The following PLA2G4A variants were observed in gnomAD, a reference collection of about 807,000 sequenced individuals.
The protein encoded by PLA2G4A is phospholipase A2 group IVA, also known as cytosolic phospholipase A2.
In PLA2G4A, 40 loss-of-function variants were observed where a neutral mutation model predicts 81.9. That is an observed-to-expected ratio of 0.49 (90% CI 0.38 to 0.64). The LOEUF is 0.64. PLA2G4A is among the 30% of genes least tolerant of loss of function. The pLI, the probability that PLA2G4A is intolerant of heterozygous loss-of-function variation, is 0.00. For missense variants in PLA2G4A, 715 were observed against 905.1 expected, an observed-to-expected ratio of 0.79 and a Z score of 2.69; for synonymous variants, 302 against 296.9, an observed-to-expected ratio of 1.02 and a Z score of -0.18.
At chr1:186,939,662 T>A (rs1279427989) in intron 9 of PLA2G4A, among the ~76,000 whole-genome samples, 1 of 152,176 alleles carries the variant, frequency 6.6e-6, no homozygotes, top group Non-Finnish European at 1.5e-5. Context: ...TGATGTTTCG[T>A]TGAAGATAAA....
intron 3 of PLA2G4A, among the ~76,000 whole-genome samples, chr1:186,890,127 A>T (rs1351949423): frequency 1.3e-5 from 2 of 152,266 alleles, no homozygotes; most frequent in East Asian, 3.9e-4. Context: ...TTACTTAGTT[A>T]TTTGTTGTTT....
intron 3 of PLA2G4A, among the ~76,000 whole-genome samples, chr1:186,889,542 A>G (rs527723245): frequency 2.4e-4 from 37 of 152,320 alleles, no homozygotes; most frequent in African/African-American, 8.4e-4. Flanking sequence ...GTTTTATAAT[A>G]ACAACCACTA....
intron 8 of PLA2G4A, among the ~76,000 whole-genome samples, chr1:186,933,106 C>A (rs1359580445): frequency 6.6e-6 from 1 of 151,968 alleles, no homozygotes; most frequent in Non-Finnish European, 1.5e-5. Context: ...AAATTTACTT[C>A]TTTTAAGCCA....
chr1:186,893,830 A>AG (rs1654234876), intron 4 of PLA2G4A, among the ~76,000 whole-genome samples: 1 of 150,484 alleles, frequency 6.6e-6, no homozygotes, highest in South Asian at 2.1e-4. Flanking sequence ...AGGCTGAGGC[A>AG]GGAGATTCGC....
chr1:186,880,089 A>G (rs1420560910), intron 3 of PLA2G4A, among the ~76,000 whole-genome samples: 1 of 151,978 alleles, frequency 6.6e-6, no homozygotes, highest in Non-Finnish European at 1.5e-5. Context: ...GCTGGAACTC[A>G]AACTTGCCTC....
intron 6 of PLA2G4A, among the ~76,000 whole-genome samples, chr1:186,911,011 G>A (rs905613628): frequency 6.6e-6 from 1 of 152,164 alleles, no homozygotes; most frequent in African/African-American, 2.4e-5. Context: ...TTGTTTGCTC[G>A]TTTATTTTAT....
chr1:186,874,890 TTC>T (rs2102067604), intron 3 of PLA2G4A, among the ~76,000 whole-genome samples: 1 of 152,212 alleles, frequency 6.6e-6, no homozygotes, highest in South Asian at 2.1e-4. Flanking sequence ...GTAAATGATA[TTC>T]TGTTTCTGAT....
chr1:186,892,453 A>AT (rs1478971964), intron 3 of PLA2G4A, among the ~76,000 whole-genome samples: 12 of 152,080 alleles, frequency 7.9e-5, no homozygotes, highest in Non-Finnish European at 1.5e-4. Context: ...TTTTTAATCC[A>AT]TTTTTATTGA....
chr1:186,955,316 T>G (rs114207459), intron 13 of PLA2G4A, among the ~76,000 whole-genome samples: 1,635 of 152,306 alleles, frequency 0.011, 10 homozygotes, highest in Non-Finnish European at 0.018. Flanking sequence ...CAAATATATG[T>G]TGAATCCTTT....
chr1:186,964,519 C>T (rs1657066939), intron 14 of PLA2G4A, among the ~76,000 whole-genome samples: 1 of 152,146 alleles, frequency 6.6e-6, no homozygotes. Context: ...GCTCTAGCTC[C>T]TCCCTCTCCC....
At chr1:186,974,612 G>T (rs774662385) in intron 15 of PLA2G4A, among the ~76,000 whole-genome samples, 7 of 152,202 alleles carry the variant, frequency 4.6e-5, no homozygotes, top group Non-Finnish European at 1.0e-4. Context: ...TCTTAAGTTA[G>T]TCTATGGAAG....
intron 17 of PLA2G4A, among the ~76,000 whole-genome samples, chr1:186,987,444 T>C (rs1219969627): frequency 1.3e-5 from 2 of 152,272 alleles, no homozygotes; most frequent in Non-Finnish European, 2.9e-5. Context: ...AATTGTGGAA[T>C]AACTCTGTGA....
Position 186,902,323 on chromosome 1 carries a change from C to G in PLA2G4A, c.379-4642C>G, listed in dbSNP as rs544569147. On this transcript the variant is annotated intron_variant, in intron 5 of 17. Coordinates refer to ENST00000367466, the MANE Select transcript of PLA2G4A (RefSeq NM_024420.3). Reference sequence around the variant, plus strand: ...AAAATGACTCTCAATTCATACAAAACCACATCCAGGCCATCATCAATCATT... The same window carrying G: ...AAAATGACTCTCAATTCATACAAAAGCACATCCAGGCCATCATCAATCATT... 5.7e-4 allele frequency among the ~76,000 whole-genome samples: 87 copies of G among 152,116 alleles called. 1 individual carries two copies. Among genetic ancestry groups the G allele is most frequent in the African/African-American group, 2.1e-3 (86 of 41,472 alleles).
At chr1:186,970,329 G>A (rs537295624) in intron 15 of PLA2G4A, among the ~76,000 whole-genome samples, 1 of 152,158 alleles carries the variant, frequency 6.6e-6, no homozygotes, top group South Asian at 2.1e-4. Flanking sequence ...TGGATAGTCT[G>A]CAAATATTTT....
chr1:186,844,442 A>G (rs962623469), intron 1 of PLA2G4A, among the ~76,000 whole-genome samples: 1 of 152,220 alleles, frequency 6.6e-6, no homozygotes, highest in Non-Finnish European at 1.5e-5. Context: ...TGCTTTTAGA[A>G]TATGCTTCCA....
intron 15 of PLA2G4A, among the ~76,000 whole-genome samples, chr1:186,973,376 T>C (rs1286269832): frequency 6.6e-6 from 1 of 152,184 alleles, no homozygotes; most frequent in Non-Finnish European, 1.5e-5. Context: ...CATATAAGAA[T>C]AATTGTCATT....
intron 14 of PLA2G4A, among the ~76,000 whole-genome samples, chr1:186,962,827 T>TA (rs11441392): frequency 0.96 from 145,948 of 152,338 alleles, 69,959 homozygotes; most frequent in East Asian, 1. Flanking sequence ...GGTCACTTTG[T>TA]GTTATTATTT....
At chr1:186,833,870 C>T (rs775201563) in intron 1 of PLA2G4A, among the ~76,000 whole-genome samples, 50 of 152,294 alleles carry the variant, frequency 3.3e-4, no homozygotes, top group African/African-American at 1.0e-3. Context: ...AGACACCTGA[C>T]GCTGAAAGTT....
intron 8 of PLA2G4A, among the ~76,000 whole-genome samples, chr1:186,938,559 A>G (rs898134063): frequency 3.9e-5 from 6 of 152,202 alleles, no homozygotes; most frequent in African/African-American, 7.2e-5. Flanking sequence ...GGAATTTACA[A>G]TAGTTGGGAC....
Sources: gnomAD v4.1 joint callset for allele counts (sites outside exome capture counted in the v4.1 genomes callset) on GRCh38, gnomAD v4.1.1 for gene constraint, MANE v1.5 for transcripts, NCBI Gene and HGNC (gene_info 2026-07-23, HGNC 2026-07-21) for gene names.